STOX2: variants seen among roughly 807,000 people sequenced by gnomAD.
STOX2 encodes storkhead-box protein 2.
Under a neutral mutation model 60.9 loss-of-function variants are expected in STOX2, and 28 were observed. The observed-to-expected ratio is 0.46, with a 90% confidence interval of 0.34 to 0.63. The LOEUF (loss-of-function observed/expected upper bound fraction) is 0.63. Among genes scored for constraint, STOX2 ranks in the 30% least tolerant of loss-of-function variants. The pLI is 0.01. For synonymous variants in STOX2, 472 were observed against 463.9 expected (o/e 1.02, Z -0.22); for missense variants, 1,024 against 1,187.7 (o/e 0.86, Z 2.03).
intron 1 of STOX2, among the ~76,000 whole-genome samples, chr4:183,982,949 C>T (rs902566854): frequency 6.6e-6 from 1 of 152,184 alleles, no homozygotes; most frequent in Non-Finnish European, 1.5e-5. Context: ...AACATCTCCC[C>T]TGTAGAAACC....
intron 1 of STOX2, among the ~76,000 whole-genome samples, chr4:183,973,346 T>C (rs1743797581): frequency 1.3e-5 from 2 of 152,118 alleles, no homozygotes; most frequent in South Asian, 4.1e-4. Context: ...TAACATATAA[T>C]AGAGCAAGTT....
At chr4:184,005,557 A>G (rs1733791789) in intron 2 of STOX2, among the ~76,000 whole-genome samples, 1 of 152,078 alleles carries the variant, frequency 6.6e-6, no homozygotes, top group South Asian at 2.1e-4. Context: ...AAGGTGTGGA[A>G]GAGATCAGGT....
At chr4:183,974,303 A>C (rs1190023139) in intron 1 of STOX2, among the ~76,000 whole-genome samples, 6 of 152,224 alleles carry the variant, frequency 3.9e-5, no homozygotes, top group African/African-American at 1.2e-4. Context: ...AAAATTAGGA[A>C]AGGAAAAACA....
At position 184,018,091 on chromosome 4, in the gene STOX2, G is replaced by A. The variant is rs531767707; in HGVS notation, c.*807G>A. The A allele has an allele frequency of 6.6e-6, 1 of 152,300 alleles. No homozygotes were observed. Among genetic ancestry groups the A allele is most frequent in the East Asian group, 1.9e-4 (1 of 5,184 alleles). The allele number at this position is 152,300 out of a possible 1,614,324, so 9.4% of individuals were successfully genotyped here. A position where few individuals can be genotyped will look rare whatever the true frequency, so the allele number is the denominator to read the frequency against. On this transcript the variant is annotated 3_prime_UTR_variant, in exon 4 of 4. Coordinates refer to ENST00000308497, the MANE Select transcript of STOX2 (RefSeq NM_020225.3). ...CAGTCTGGCTGGGGCACAGCATTAGGTGATTGAAAAGGTGATGTGGACTTG... is the reference window on the plus strand; with the variant it reads ...CAGTCTGGCTGGGGCACAGCATTAGATGATTGAAAAGGTGATGTGGACTTG...
Position 184,017,390 on chromosome 4 carries a change from T to A in STOX2, c.*106T>A. The A allele has an allele frequency of 1.7e-6, 2 of 1,171,646 alleles. No homozygotes were observed. Among genetic ancestry groups the A allele is most frequent in the Non-Finnish European group, 2.4e-6 (2 of 849,134 alleles). The allele number at this position is 1,171,646 out of a possible 1,614,324, so 72.6% of individuals were successfully genotyped here. On this transcript the variant is annotated 3_prime_UTR_variant, in exon 4 of 4. Coordinates refer to ENST00000308497, the MANE Select transcript of STOX2 (RefSeq NM_020225.3). ...AAGACAAGCATCTCAACCACAGTTT[T>A]TGTGTTTACTTAAACTGTGCTGCTA... is the stretch of plus-strand genomic sequence containing the variant.
intron 1 of STOX2, among the ~76,000 whole-genome samples, chr4:183,907,475 G>A (rs1741654081): frequency 6.6e-6 from 1 of 152,212 alleles, no homozygotes; most frequent in Non-Finnish European, 1.5e-5. Context: ...CTTACTGAAC[G>A]CGTTCTGTGG....
chr4:183,991,490 C>T (rs565274774), intron 1 of STOX2, among the ~76,000 whole-genome samples: 66 of 151,204 alleles, frequency 4.4e-4, no homozygotes, highest in African/African-American at 1.4e-3. Flanking sequence ...TGCAATGGCA[C>T]GGTCTTGGCT....
At chr4:184,002,326 T>C (rs992072105) in intron 2 of STOX2, among the ~76,000 whole-genome samples, 1 of 152,198 alleles carries the variant, frequency 6.6e-6, no homozygotes, top group Non-Finnish European at 1.5e-5. Context: ...TAGGTTGAAA[T>C]AGAGATTATA....
At chr4:183,880,023 C>T (rs1277807137) in intron 1 of STOX2, among the ~76,000 whole-genome samples, 6 of 152,102 alleles carry the variant, frequency 3.9e-5, no homozygotes, top group Non-Finnish European at 8.8e-5. Context: ...GAATCTCGCT[C>T]TGTTGCCCAG....
intron 1 of STOX2, among the ~76,000 whole-genome samples, chr4:183,826,750 T>G (rs759495089): frequency 6.6e-6 from 1 of 152,212 alleles, no homozygotes; most frequent in Non-Finnish European, 1.5e-5. Flanking sequence ...TAGAATGTGT[T>G]TGGACAAATG....
In STOX2 at chr4:184,010,820, C is replaced by T. The variant is rs767177505; in HGVS notation, c.1982C>T (p.Pro661Leu). The T allele has an allele frequency of 2.3e-5, 36 of 1,586,500 alleles. No individual in the cohort carries two copies. Among genetic ancestry groups the T allele is most frequent in the Non-Finnish European group, 2.8e-5 (33 of 1,166,850 alleles). Residue 661 changes from proline to leucine, a missense_variant, in exon 3 of 4, where the codon CCG (proline) becomes CTG (leucine). By Grantham distance (98) the Pro-to-Leu change is moderately conservative (BLOSUM62 -3). Transcript: ENST00000308497. The surrounding 1 kb of genome is among the most constrained non-coding windows in gnomAD (Gnocchi z 4.5). ...CACAAGGAGGAGTCACCAAAAGGGC[C>T]GGGTGGGGGCCCCGCTGCTTCGGGA... ...VGHKEESPKG[P>L]GGGPAASGGV...
At chr4:183,949,470 T>C (rs879258930) in intron 1 of STOX2, among the ~76,000 whole-genome samples, 4 of 151,892 alleles carry the variant, frequency 2.6e-5, no homozygotes, top group Non-Finnish European at 5.9e-5. Context: ...GAGGCCGAGG[T>C]GGGCGGATTA....
At chr4:183,946,702 T>C (rs565544798) in intron 1 of STOX2, among the ~76,000 whole-genome samples, 2 of 150,822 alleles carry the variant, frequency 1.3e-5, no homozygotes, top group African/African-American at 4.9e-5. Flanking sequence ...CTCAACTCAC[T>C]GCAACCTCCG....
intron 1 of STOX2, among the ~76,000 whole-genome samples, chr4:183,861,007 T>A (rs1740428346): frequency 6.6e-6 from 1 of 152,196 alleles, no homozygotes; most frequent in South Asian, 2.1e-4. Flanking sequence ...GACCCTTTAT[T>A]TGGAGAAACA....
intron 1 of STOX2, among the ~76,000 whole-genome samples, chr4:183,951,170 G>A (rs544628945): frequency 1.7e-4 from 26 of 149,760 alleles, no homozygotes; most frequent in African/African-American, 5.2e-4. Flanking sequence ...AGCCGAGATC[G>A]CGCCACTGCA....
chr4:183,938,286 C>T (rs56085530), intron 1 of STOX2, among the ~76,000 whole-genome samples: 3,685 of 152,286 alleles, frequency 0.024, 155 homozygotes, highest in African/African-American at 0.082. Context: ...ATTTTAGATA[C>T]ACATTATTCC....
intron 1 of STOX2, among the ~76,000 whole-genome samples, chr4:183,839,113 G>A (rs904026861): frequency 2.6e-5 from 4 of 152,212 alleles, no homozygotes; most frequent in Admixed American, 1.3e-4. Flanking sequence ...AGTGGGTGCT[G>A]CAGATCCAAT....
At chr4:183,917,730 T>G (rs1741971087) in intron 1 of STOX2, among the ~76,000 whole-genome samples, 1 of 152,198 alleles carries the variant, frequency 6.6e-6, no homozygotes, top group Non-Finnish European at 1.5e-5. Context: ...TCAAGTGGAT[T>G]TTTCCTTATT....
intron 1 of STOX2, among the ~76,000 whole-genome samples, chr4:183,997,751 A>T (rs548606726): frequency 4.1e-4 from 62 of 152,334 alleles, no homozygotes; most frequent in African/African-American, 1.4e-3. Flanking sequence ...CAGCACAAAA[A>T]TGAGATGAGG....
Sources: allele counts gnomAD v4.1 joint callset (sites outside exome capture counted in the v4.1 genomes callset), GRCh38; gene constraint gnomAD v4.1.1; non-coding constraint Gnocchi (gnomAD v3.1); transcripts MANE v1.5; gene names NCBI Gene and HGNC (gene_info 2026-07-23, HGNC 2026-07-21).